Variants in SLC2A9 observed in about 807,000 individuals in gnomAD.
SLC2A9 encodes the protein solute carrier family 2 member 9, also known as solute carrier family 2, facilitated glucose transporter member 9.
SLC2A9 carries 39 observed loss-of-function variants against 50.6 expected under a neutral mutation model. The ratio of observed to expected loss-of-function variants is 0.77; its 90% CI spans 0.60 to 1.01. SLC2A9 has a LOEUF of 1.01. Among genes scored for constraint, SLC2A9 ranks in the 50% least tolerant of loss-of-function variants. The probability of loss-of-function intolerance (pLI) is 0.00; values close to 1 mark genes in which losing one functional copy is unlikely to be tolerated. For missense variants in SLC2A9, 686 were observed against 677.6 expected, an observed-to-expected ratio of 1.01 and a Z score of -0.14; for synonymous variants, 324 against 276.9, an observed-to-expected ratio of 1.17 and a Z score of -1.69.
intron 6 of SLC2A9, among the ~76,000 whole-genome samples, chr4:9,928,028 TC>T (rs1344775215): frequency 1.3e-5 from 2 of 152,172 alleles, no homozygotes; most frequent in African/African-American, 4.8e-5. Flanking sequence ...TTCCAACTAA[TC>T]TTTTTGGGAG....
chr4:9,795,228 C>T (rs550344712), downstream of SLC2A9, among the ~76,000 whole-genome samples: 1 of 151,786 alleles, frequency 6.6e-6, no homozygotes, highest in African/African-American at 2.4e-5. Context: ...GGCCAGGGTA[C>T]CTCGATCTCT....
At chr4:9,851,299 A>C (rs927858047) in intron 10 of SLC2A9, among the ~76,000 whole-genome samples, 4 of 152,224 alleles carry the variant, frequency 2.6e-5, no homozygotes, top group Non-Finnish European at 4.4e-5. Flanking sequence ...CATGAAACCC[A>C]GGAGTGCTGA....
intron 6 of SLC2A9, among the ~76,000 whole-genome samples, chr4:9,921,641 T>G (rs188597984): frequency 9.7e-4 from 148 of 152,382 alleles, no homozygotes; most frequent in African/African-American, 3.4e-3. Context: ...CTTTGGAGTG[T>G]TATTTCCAGC....
intron 10 of SLC2A9, among the ~76,000 whole-genome samples, chr4:9,883,705 C>A (rs1244251570): frequency 6.6e-6 from 1 of 152,216 alleles, no homozygotes; most frequent in African/African-American, 2.4e-5. Context: ...TTTAAGGGTG[C>A]CCTGTGGGTT....
chr4:9,816,686 C>T (rs1173131688), intron 3 of SLC2A9, among the ~76,000 whole-genome samples: 2 of 152,118 alleles, frequency 1.3e-5, no homozygotes, highest in Admixed American at 6.5e-5. Flanking sequence ...ACGAGTTCTA[C>T]ATCTTAAATG....
At position 9,985,930 on chromosome 4, in the gene SLC2A9, C is replaced by T. The variant is rs188167197; in HGVS notation, c.411-137G>A. On this transcript the variant is annotated intron_variant, in intron 3 of 11. Transcript: ENST00000264784. The stretch of plus-strand genomic sequence containing the variant: ...TCAGGCACAGTGCAGGGAGCACTGG[C>T]CTTGCCACCTCTGGCTGTGTGACTG... 204 of 1,219,608 alleles carry T rather than the reference C, an allele frequency of 1.7e-4. No individual in the cohort carries two copies. In the African/African-American group the frequency reaches 2.6e-3, roughly 16 times the overall value. The allele number at this position is 1,219,608 out of a possible 1,614,324, so 75.5% of individuals were successfully genotyped here.
chr4:9,999,976 G>A (rs1388606019), intron 2 of SLC2A9, among the ~76,000 whole-genome samples: 3 of 152,136 alleles, frequency 2.0e-5, no homozygotes, highest in African/African-American at 4.8e-5. Context: ...AACAGATGGT[G>A]TTGCAGAAAG....
chr4:10,031,702 G>A (rs191872941), intron 1 of SLC2A9, among the ~76,000 whole-genome samples: 2 of 152,364 alleles, frequency 1.3e-5, no homozygotes, highest in East Asian at 1.9e-4. Context: ...GGAGGACTCC[G>A]TTGCAGAACT....
chr4:10,000,022 C>T (rs914646781), intron 2 of SLC2A9, among the ~76,000 whole-genome samples: 1 of 152,166 alleles, frequency 6.6e-6, no homozygotes, highest in South Asian at 2.1e-4. Context: ...AGATTTCAGA[C>T]ATAAGCAAAT....
intron 6 of SLC2A9, among the ~76,000 whole-genome samples, chr4:9,921,620 C>G (rs943677555): frequency 1.3e-5 from 2 of 152,236 alleles, no homozygotes; most frequent in Non-Finnish European, 2.9e-5. Context: ...AAGCAAGAAC[C>G]CTTCCGAAGG....
At chr4:9,877,164 T>A (rs1033927849) in intron 10 of SLC2A9, among the ~76,000 whole-genome samples, 20 of 152,252 alleles carry the variant, frequency 1.3e-4, no homozygotes, top group African/African-American at 4.8e-4. Context: ...GCTGGGATAC[T>A]TAAGGTAATT....
intron 5 of SLC2A9, among the ~76,000 whole-genome samples, chr4:9,977,762 G>T (rs1337985239): frequency 6.6e-6 from 1 of 152,134 alleles, no homozygotes; most frequent in East Asian, 1.9e-4. Flanking sequence ...CCTACCAGAG[G>T]TCAGTGCCTA....
At chr4:9,808,441 G>A (rs1362183135) in intron 3 of SLC2A9, among the ~76,000 whole-genome samples, 1 of 152,180 alleles carries the variant, frequency 6.6e-6, no homozygotes, top group African/African-American at 2.4e-5. Flanking sequence ...CCATTGGGTG[G>A]TGACCTCTTG....
intron 9 of SLC2A9, among the ~76,000 whole-genome samples, chr4:9,889,488 T>TGGAGCTTGGG (rs1464291807): frequency 6.6e-6 from 1 of 152,182 alleles, no homozygotes; most frequent in East Asian, 1.9e-4. Flanking sequence ...GTAAAGATGC[T>TGGAGCTTGGG]GGAGCTTGGG....
intron 3 of SLC2A9, among the ~76,000 whole-genome samples, chr4:9,791,469 T>C (rs1210408835): frequency 6.6e-6 from 1 of 152,200 alleles, no homozygotes; most frequent in East Asian, 1.9e-4. Flanking sequence ...CCTGATTTGA[T>C]GAGATTCTGA....
chr4:9,784,633 AAT>A (rs1467047009), intron 3 of SLC2A9, among the ~76,000 whole-genome samples: 1 of 152,242 alleles, frequency 6.6e-6, no homozygotes, highest in African/African-American at 2.4e-5. Context: ...CGAGGTGCTC[AAT>A]AGAAAAGCCC....
At chr4:9,875,824 G>A (rs1734227219) in intron 10 of SLC2A9, among the ~76,000 whole-genome samples, 2 of 151,954 alleles carry the variant, frequency 1.3e-5, no homozygotes, top group Non-Finnish European at 2.9e-5. Context: ...TCCTCTTTGT[G>A]CTCCCAGGGC....
In SLC2A9 at chr4:9,908,224, A is replaced by G; in HGVS notation, c.1113+11T>C. On this transcript the variant is annotated intron_variant, in intron 8 of 11. Transcript: ENST00000264784. ...TGTGGCATTCTCAGGAGTAACCCTC[A>G]GTTGACTTACAGAGAAGACGGCAGC... 1 of 1,584,968 alleles carries G rather than the reference A, an allele frequency of 6.3e-7. No individual in the cohort carries two copies. The highest frequency in any genetic ancestry group is 8.7e-7 in the Non-Finnish European group (1 of 1,153,144).
intron 7 of SLC2A9, among the ~76,000 whole-genome samples, chr4:9,914,565 C>G (rs1371824703): frequency 6.6e-6 from 1 of 152,184 alleles, no homozygotes; most frequent in East Asian, 1.9e-4. Flanking sequence ...GTTAGCTGGG[C>G]TTGAAGCTCT....
Sources: gnomAD v4.1 joint callset for allele counts (sites outside exome capture counted in the v4.1 genomes callset) on GRCh38, gnomAD v4.1.1 for gene constraint, MANE v1.5 for transcripts, NCBI Gene and HGNC (gene_info 2026-07-23, HGNC 2026-07-21) for gene names.